Variants in FAT2 observed in about 807,000 individuals in gnomAD.
FAT2 encodes protocadherin Fat 2.
A neutral mutation model predicts 295.3 loss-of-function variants in FAT2; 150 were observed. That is an observed-to-expected ratio of 0.51 (90% confidence interval 0.44 to 0.58). The LOEUF (loss-of-function observed/expected upper bound fraction) is 0.58. Among genes scored for constraint, FAT2 ranks in the 20% least tolerant of loss-of-function variants. The probability of loss-of-function intolerance (pLI) is 0.00; values close to 1 mark genes in which losing one functional copy is unlikely to be tolerated. For synonymous variants in FAT2, 2,026 were observed against 2,150.3 expected (o/e 0.94, Z 1.60); for missense variants, 4,868 against 5,442.7 (o/e 0.89, Z 3.32).
intron 8 of FAT2, 126 bp downstream of exon 8, chr5:151,550,464 G>A: frequency 1.8e-6 from 2 of 1,114,436 alleles, no homozygotes; most frequent in South Asian, 1.5e-5. Context: ...GCTGTGAAAT[G>A]TCACAACTCT....
Position 151,543,231 on chromosome 5 carries a change from A to C in FAT2, c.7896T>G (p.Asp2632Glu). 1 of 1,614,146 alleles carries C rather than the reference A, an allele frequency of 6.2e-7. No individual in the cohort carries two copies. The highest frequency in any genetic ancestry group is 8.5e-7 in the Non-Finnish European group (1 of 1,180,020). Residue 2632 changes from aspartate to glutamate, a missense_variant, in exon 10 of 24, where the codon GAT (aspartate) becomes GAG (glutamate). This residue lies in a region of FAT2 where 3,297 missense variants were observed against 3,669.4 expected (regional missense o/e 0.90). Coordinates refer to ENST00000261800, the MANE Select transcript of FAT2 (RefSeq NM_001447.3). ...YSVNPEDLVKDVIEINPVTGV... is the reference protein window; with the variant it reads ...YSVNPEDLVKEVIEINPVTGV... ...CAGTGACTGGGTTAATTTCAATGAC[A>C]TCTTTAACTAGGTCCTCTGGGTTCA...
intron 1 of FAT2, among the ~76,000 whole-genome samples, chr5:151,577,995 A>G (rs911753797): frequency 1.3e-5 from 2 of 151,594 alleles, no homozygotes; most frequent in African/African-American, 4.9e-5. Context: ...GATGAAAACC[A>G]TTAAAATCCA....
chr5:151,551,974 A>AGGGT (rs1554131124), intron 6 of FAT2, among the ~76,000 whole-genome samples: 23 of 109,938 alleles, frequency 2.1e-4, no homozygotes, highest in Non-Finnish European at 1.9e-4. Context: ...TATAACCCTA[A>AGGGT]GGGTGTGTGT....
intron 20 of FAT2, among the ~76,000 whole-genome samples, chr5:151,513,058 G>A (rs1414723151): frequency 2.0e-5 from 3 of 152,192 alleles, no homozygotes; most frequent in African/African-American, 7.2e-5. Context: ...CAAGGGCAAA[G>A]TATTTTTATA....
At position 151,543,079 on chromosome 5, in the gene FAT2, G is replaced by T. The variant is rs1451270360; in HGVS notation, c.8048C>A (p.Pro2683His). ...SLVPVRLQVVPKKVSLPKFSE... is the reference protein window; with the variant it reads ...SLVPVRLQVVHKKVSLPKFSE... ...AAATTTCGGTAAGGATACTTTTTTAGGAACCACCTGAAGTCGTACTGGCAC... is the reference window on the plus strand; with the variant it reads ...AAATTTCGGTAAGGATACTTTTTTATGAACCACCTGAAGTCGTACTGGCAC... Residue 2683 changes from proline to histidine, a missense_variant, in exon 10 of 24, where the codon CCT becomes CAT. By Grantham distance (77) the Pro-to-His change is moderately conservative. Coordinates refer to ENST00000261800, the MANE Select transcript of FAT2 (RefSeq NM_001447.3). The T allele has an allele frequency of 6.2e-7, 1 of 1,614,142 alleles. No homozygotes were observed. The highest frequency in any genetic ancestry group is 1.1e-5 in the South Asian group (1 of 91,076).
Position 151,543,751 on chromosome 5 carries a change from C to G in FAT2, c.7376G>C (p.Gly2459Ala), listed in dbSNP as rs1312050028. ...CACAGGCACAGTTGCTCGGAAGACT[C>G]CATCAGAAGCACCTACCCTCAAATT... Reference protein sequence around the residue: ...SYNLRVGASDGVFRATVPVYI... With the variant: ...SYNLRVGASDAVFRATVPVYI... The change falls in exon 10 of 24, where the codon GGA becomes GCA. Residue 2459 changes from glycine to alanine, a missense_variant. Physicochemically the swap from Gly to Ala is moderately conservative, Grantham distance 60. Transcript: ENST00000261800. 3 of 1,614,168 alleles carry G rather than the reference C, an allele frequency of 1.9e-6. No individual in the cohort carries two copies. Among genetic ancestry groups the G allele is most frequent in the Non-Finnish European group, 2.5e-6 (3 of 1,180,030 alleles).
At chr5:151,562,109 T>A (rs1242797732) in intron 3 of FAT2, among the ~76,000 whole-genome samples, 2 of 152,068 alleles carry the variant, frequency 1.3e-5, no homozygotes, top group Non-Finnish European at 2.9e-5. Flanking sequence ...AGGTCAAAGG[T>A]TAACAGGAAA....
intron 1 of FAT2, among the ~76,000 whole-genome samples, chr5:151,589,579 T>C (rs1344315639): frequency 2.0e-5 from 3 of 152,164 alleles, no homozygotes; most frequent in Non-Finnish European, 4.4e-5. Context: ...ACTCCTGCTC[T>C]GTCTACCCAA....
In FAT2 at chr5:151,543,052, GA is replaced by G; in HGVS notation, c.8074del (p.Ser2692LeufsTer35). On this transcript the variant is annotated frameshift_variant, in exon 10 of 24. Transcript: ENST00000261800. LOFTEE classifies it high-confidence loss of function. ...TGCAGAGAAAGTATACAAAGGTTCA[GA>G]AAATTTCGGTAAGGATACTTTTTTA... The part of the protein sequence containing the change: ...VPKKVSLPKF[S>X]EPLYTFSAPE... The G allele has an allele frequency of 6.2e-7, 1 of 1,614,204 alleles. No individual in the cohort carries two copies. The highest frequency in any genetic ancestry group is 8.5e-7 in the Non-Finnish European group (1 of 1,180,038).
chr5:151,534,290 C>G, intron 13 of FAT2, 119 bp downstream of exon 13: 1 of 680,356 alleles, frequency 1.5e-6, no homozygotes, highest in Non-Finnish European at 2.5e-6. Context: ...TAAGTGTCCC[C>G]AGACTCAACA....
intron 1 of FAT2, among the ~76,000 whole-genome samples, chr5:151,590,151 C>T (rs1319134560): frequency 6.6e-6 from 1 of 152,206 alleles, no homozygotes; most frequent in Admixed American, 6.5e-5. Context: ...CGAGCATAAG[C>T]TGTAATAACT....
chr5:151,575,087 G>A (rs4958460), intron 1 of FAT2, among the ~76,000 whole-genome samples: 135,999 of 152,310 alleles, frequency 0.89, 61,086 homozygotes, highest in African/African-American at 0.96. Flanking sequence ...AGTCTGAAGT[G>A]TCAGCTGGCA....
chr5:151,524,469 A>G (rs905762129), intron 18 of FAT2, among the ~76,000 whole-genome samples: 2 of 152,190 alleles, frequency 1.3e-5, no homozygotes, highest in Admixed American at 6.5e-5. Flanking sequence ...ACAGTCTGCC[A>G]TTCAGAAGAG....
At chr5:151,535,549 C>G (rs1755181100) in intron 12 of FAT2, among the ~76,000 whole-genome samples, 1 of 151,970 alleles carries the variant, frequency 6.6e-6, no homozygotes, top group African/African-American at 2.4e-5. Context: ...ATGCCTCGCC[C>G]TACACCTCTC....
chr5:151,584,676 AG>A (rs1759101422), intron 1 of FAT2, among the ~76,000 whole-genome samples: 1 of 152,200 alleles, frequency 6.6e-6, no homozygotes, highest in Non-Finnish European at 1.5e-5. Context: ...CAACCCACAA[AG>A]GCAGGTACTA....
At chr5:151,591,118 C>G (rs1162846783) in intron 1 of FAT2, among the ~76,000 whole-genome samples, 47 bp downstream of exon 1, 3 of 152,238 alleles carry the variant, frequency 2.0e-5, no homozygotes, top group African/African-American at 7.2e-5. Context: ...AATGGATTAA[C>G]TTTGCTGCCC....
At chr5:151,523,032 T>C (rs1753640588) in intron 18 of FAT2, among the ~76,000 whole-genome samples, 1 of 152,164 alleles carries the variant, frequency 6.6e-6, no homozygotes, top group Non-Finnish European at 1.5e-5. Context: ...AGGCTTGCCT[T>C]CTTCTCCTCA....
chr5:151,534,375 C>T (rs1213524204), intron 13 of FAT2, 34 bp downstream of exon 13: 1 of 1,534,850 alleles, frequency 6.5e-7, no homozygotes, highest in East Asian at 2.3e-5. Context: ...CCCAGGAGAT[C>T]ATTGGAAATG....
chr5:151,514,341 C>T (rs906330812), intron 20 of FAT2, among the ~76,000 whole-genome samples: 1 of 152,216 alleles, frequency 6.6e-6, no homozygotes, highest in Non-Finnish European at 1.5e-5. Context: ...TGTCTCCCAC[C>T]TCTGTAATGT....
Sources: allele counts gnomAD v4.1 joint callset (sites outside exome capture counted in the v4.1 genomes callset), GRCh38; gene constraint gnomAD v4.1.1; regional missense constraint gnomAD v4.1.1; transcripts MANE v1.5; gene names NCBI Gene and HGNC (gene_info 2026-07-23, HGNC 2026-07-21).